SEPTIN9: variants seen among roughly 807,000 people sequenced by gnomAD.
SEPTIN9 encodes septin-9.
A neutral mutation model predicts 56.6 loss-of-function variants in SEPTIN9; 13 were observed. That is an observed-to-expected ratio of 0.23 (90% CI 0.15 to 0.37). The LOEUF is 0.37. SEPTIN9 is among the 10% of genes least tolerant of loss of function. The probability of loss-of-function intolerance (pLI) is 1.00; values close to 1 mark genes in which losing one functional copy is unlikely to be tolerated. For missense variants in SEPTIN9, 650 were observed against 823.1 expected, an observed-to-expected ratio of 0.79 and a Z score of 2.57; for synonymous variants, 332 against 334.1, an observed-to-expected ratio of 0.99 and a Z score of 0.07.
At chr17:77,291,903 G>A (rs999526511) in intron 1 of SEPTIN9, among the ~76,000 whole-genome samples, 1 of 152,236 alleles carries the variant, frequency 6.6e-6, no homozygotes, top group Non-Finnish European at 1.5e-5. Context: ...AACCAGACAA[G>A]TGTTCTTACC....
chr17:77,457,166 G>A (rs1053404512), intron 3 of SEPTIN9, among the ~76,000 whole-genome samples: 3 of 152,146 alleles, frequency 2.0e-5, no homozygotes, highest in African/African-American at 7.2e-5. Context: ...CACAGGGCCC[G>A]GCACAGATGG....
At chr17:77,390,857 A>G (rs2035517779) in intron 2 of SEPTIN9, among the ~76,000 whole-genome samples, 1 of 152,170 alleles carries the variant, frequency 6.6e-6, no homozygotes, top group Non-Finnish European at 1.5e-5. Context: ...CGACCGTATA[A>G]CTTACTGTCC....
rs1244311964 is a variant in SEPTIN9 at position 77,482,152 on chromosome 17, G to T, written c.730G>T (p.Ala244Ser). 6.4e-7 allele frequency: 1 copy of T among 1,574,288 alleles called. No individual in the cohort carries two copies. Among genetic ancestry groups the T allele is most frequent in the Non-Finnish European group, 8.6e-7 (1 of 1,160,900 alleles). The change falls in exon 4 of 12, where the codon GCG (alanine) becomes TCG (serine). Residue 244 changes from alanine (A) to serine (S), a missense_variant. Ala to Ser is a moderately conservative substitution (Grantham distance 99). Around this residue, in one of 2 missense-constraint regions of SEPTIN9, gnomAD observed 333 missense variants for 494.0 expected, o/e 0.67. Coordinates refer to ENST00000427177, the MANE Select transcript of SEPTIN9 (RefSeq NM_001113491.2). ...ATPRSQEATEAAPSCVGDMAD... is the reference protein window; with the variant it reads ...ATPRSQEATESAPSCVGDMAD... ...TGCTGTTCCTTCCCCAGCCACTGAG[G>T]CGGCTCCCAGCTGCGTTGGCGACAT...
intron 3 of SEPTIN9, among the ~76,000 whole-genome samples, chr17:77,461,721 G>T (rs2038485491): frequency 7.2e-5 from 11 of 152,258 alleles, no homozygotes. Flanking sequence ...GTGTACGTGT[G>T]TTTAGATAAA....
In SEPTIN9 at chr17:77,400,920, C is replaced by T. The variant is rs1357156622; in HGVS notation, c.77-1139C>T. ...GGCAGCTTCCCAGGTACCATCCCCA[C>T]TGCCTCCGAGGGAGCAGACCCTGGT... On this transcript the variant is annotated intron_variant, in intron 2 of 11. Transcript: ENST00000427177. This position sits in a 1 kb window ranked among gnomAD's most constrained non-coding sequence, Gnocchi z 4.1. Among the ~76,000 whole-genome samples, 2 of 152,190 alleles carry T rather than the reference C, an allele frequency of 1.3e-5. No homozygotes were observed. The highest frequency in any genetic ancestry group is 4.8e-5 in the African/African-American group (2 of 41,448).
rs1598393352 is a variant in SEPTIN9 at position 77,449,718 on chromosome 17, G to T, written c.722-32426G>T. Among the ~76,000 whole-genome samples the T allele has an allele frequency of 6.6e-6, 1 of 152,210 alleles. No homozygotes were observed. The highest frequency in any genetic ancestry group is 1.5e-5 in the Non-Finnish European group (1 of 68,038). On this transcript the variant is annotated intron_variant, in intron 3 of 11. Coordinates refer to ENST00000427177, the MANE Select transcript of SEPTIN9 (RefSeq NM_001113491.2). This position sits in a 1 kb window ranked among gnomAD's most constrained non-coding sequence, Gnocchi z 4.6. ...CCCTTTAGGGGCCAGTGATGAGGGT[G>T]CCCTGGGCTGGGCTGCAGACAGTGG...
rs1293825605 is a variant in SEPTIN9 at position 77,317,412 on chromosome 17, A to G, written c.76+10215A>G. ...ACAGTCACTCCCCATTGCTCGCATT[A>G]CTGCCCAAGCTCTGCCTCCTGTCTG... On this transcript the variant is annotated intron_variant, in intron 2 of 11. Transcript: ENST00000427177. The surrounding 1 kb of genome is among the most constrained non-coding windows in gnomAD (Gnocchi z 4.2). Among the ~76,000 whole-genome samples the G allele has an allele frequency of 6.6e-6, 1 of 152,220 alleles. No individual in the cohort carries two copies. Among genetic ancestry groups the G allele is most frequent in the Non-Finnish European group, 1.5e-5 (1 of 68,044 alleles).
intron 1 of SEPTIN9, among the ~76,000 whole-genome samples, chr17:77,300,481 C>T (rs970783413): frequency 6.6e-6 from 1 of 152,128 alleles, no homozygotes; most frequent in East Asian, 1.9e-4. Context: ...GTAGCAGAGG[C>T]CAAGGACAGA....
In SEPTIN9 at chr17:77,416,282, G is replaced by A. The variant is rs572972359; in HGVS notation, c.721+13579G>A. Among the ~76,000 whole-genome samples the A allele has an allele frequency of 6.0e-3, 916 of 152,332 alleles. 3 individuals are homozygous for A. The highest frequency in any genetic ancestry group is 8.4e-3 in the Non-Finnish European group (570 of 68,024). On this transcript the variant is annotated intron_variant, in intron 3 of 11. Coordinates refer to ENST00000427177, the MANE Select transcript of SEPTIN9 (RefSeq NM_001113491.2). ...CCTGCAGAGCTTGTGGTACCTGAGA[G>A]GTGGGGCCAGGAACAGGAAGGAGCT... is the stretch of plus-strand genomic sequence containing the variant.
Position 77,499,248 on chromosome 17 carries a change from C to T in SEPTIN9, c.*590C>T, listed in dbSNP as rs2040408663. 3.4e-6 allele frequency: 2 copies of T among 595,856 alleles called. No homozygotes were observed. Among genetic ancestry groups the T allele is most frequent in the East Asian group, 6.8e-5 (2 of 29,510 alleles). The allele number at this position is 595,856 out of a possible 1,614,324, so 36.9% of individuals were successfully genotyped here. ...CCTGCCACCGACTGCCCAGCCACTC[C>T]AAGCCCCCTGGCAGCTGCCCCTCCT... On this transcript the variant is annotated 3_prime_UTR_variant, in exon 12 of 12. Transcript: ENST00000427177.
chr17:77,328,608 C>T (rs2033235313), intron 2 of SEPTIN9, among the ~76,000 whole-genome samples: 1 of 152,182 alleles, frequency 6.6e-6, no homozygotes, highest in Non-Finnish European at 1.5e-5. Flanking sequence ...TCAAGTGATC[C>T]ACCCAGCTTG....
At chr17:77,443,725 G>A (rs528716164) in intron 3 of SEPTIN9, among the ~76,000 whole-genome samples, 1 of 152,120 alleles carries the variant, frequency 6.6e-6, no homozygotes, top group East Asian at 1.9e-4. Flanking sequence ...TAAAACCTGG[G>A]AGGTGGAGGT....
Position 77,499,573 on chromosome 17 carries a change from T to A in SEPTIN9, c.*915T>A, listed in dbSNP as rs1276597607. On this transcript the variant is annotated 3_prime_UTR_variant, in exon 12 of 12. Coordinates refer to ENST00000427177, the MANE Select transcript of SEPTIN9 (RefSeq NM_001113491.2). ...GAAGGAAGGTTGGCGGGGGCACGTGTGGGCCGTGGCTTGGGCTGGTCAGAG... is the reference window on the plus strand; with the variant it reads ...GAAGGAAGGTTGGCGGGGGCACGTGAGGGCCGTGGCTTGGGCTGGTCAGAG... The A allele has an allele frequency of 2.2e-6, 1 of 450,384 alleles. No individual in the cohort carries two copies. The highest frequency in any genetic ancestry group is 4.0e-5 in the East Asian group (1 of 25,064). 27.9% of individuals were successfully genotyped at this position (450,384 alleles called of 1,614,324 possible). A position where few individuals can be genotyped will look rare whatever the true frequency, so the allele number is the denominator to read the frequency against.
intron 3 of SEPTIN9, chr17:77,470,950 C>T (rs1243492527): frequency 1.3e-5 from 2 of 152,318 alleles, no homozygotes; most frequent in Admixed American, 6.5e-5. Flanking sequence ...ATCCAAGGCA[C>T]TGTGGGTTCC....
In SEPTIN9 at chr17:77,329,679, C is replaced by T. The variant is rs182010270; in HGVS notation, c.76+22482C>T. 6.6e-6 allele frequency among the ~76,000 whole-genome samples: 1 copy of T among 152,268 alleles called. No individual in the cohort carries two copies. Among genetic ancestry groups the T allele is most frequent in the African/African-American group, 2.4e-5 (1 of 41,548 alleles). On this transcript the variant is annotated intron_variant, in intron 2 of 11. Transcript: ENST00000427177. This position sits in a 1 kb window ranked among gnomAD's most constrained non-coding sequence, Gnocchi z 4.3. ...ACTTAACACCTGCTGGTGCCCCCAT[C>T]CCCAAGCAGGAACCCTGGTGCCTGG... is the stretch of plus-strand genomic sequence containing the variant.
intron 2 of SEPTIN9, chr17:77,320,106 G>C (rs1477722795): frequency 6.2e-6 from 9 of 1,450,670 alleles, no homozygotes; most frequent in Non-Finnish European, 7.3e-6. Flanking sequence ...TGCTACTTCA[G>C]TTTGGAGCAC....
At chr17:77,474,859 T>C (rs1216611567) in intron 3 of SEPTIN9, among the ~76,000 whole-genome samples, 1 of 152,176 alleles carries the variant, frequency 6.6e-6, no homozygotes, top group Non-Finnish European at 1.5e-5. Flanking sequence ...TAATAGCTCC[T>C]GAGCAGCGTT....
chr17:77,409,437 AG>A (rs2036209620), intron 3 of SEPTIN9, among the ~76,000 whole-genome samples: 1 of 152,166 alleles, frequency 6.6e-6, no homozygotes, highest in South Asian at 2.1e-4. Context: ...GTGAGAGGAA[AG>A]GAGGGCTGGT....
intron 2 of SEPTIN9, among the ~76,000 whole-genome samples, chr17:77,333,118 A>G (rs2033424778): frequency 6.6e-6 from 1 of 152,200 alleles, no homozygotes; most frequent in South Asian, 2.1e-4. Context: ...ATCCTGGCCA[A>G]CATTTGGTGC....
Sources: gnomAD v4.1 joint callset for allele counts (sites outside exome capture counted in the v4.1 genomes callset) on GRCh38, gnomAD v4.1.1 for gene constraint, gnomAD v4.1.1 regional missense constraint, Gnocchi (gnomAD v3.1) non-coding constraint, MANE v1.5 for transcripts, NCBI Gene and HGNC (gene_info 2026-07-23, HGNC 2026-07-21) for gene names.